The following CNTNAP4 variants were observed in gnomAD, a reference collection of about 807,000 sequenced individuals.
CNTNAP4 encodes contactin-associated protein-like 4.
In CNTNAP4, 98 loss-of-function variants were observed where a neutral mutation model predicts 148.4. The ratio of observed to expected loss-of-function variants is 0.66; its 90% confidence interval spans 0.56 to 0.78. The LOEUF (loss-of-function observed/expected upper bound fraction) is 0.78. Among genes scored for constraint, CNTNAP4 ranks in the 30% least tolerant of loss-of-function variants. CNTNAP4 has a pLI of 0.00. For missense variants in CNTNAP4, 1,935 were observed against 1,565.6 expected (o/e 1.24, Z -3.98); for synonymous variants, 730 against 565.1 (o/e 1.29, Z -4.14).
chr16:76,397,664 C>A (rs1310377689), intron 3 of CNTNAP4, among the ~76,000 whole-genome samples: 1 of 151,550 alleles, frequency 6.6e-6, no homozygotes, highest in African/African-American at 2.4e-5. Context: ...ATAAAGAGAA[C>A]CTCTGTATGC....
intron 23 of CNTNAP4, among the ~76,000 whole-genome samples, chr16:76,556,270 T>C (rs989907693): frequency 6.6e-6 from 1 of 152,196 alleles, no homozygotes; most frequent in South Asian, 2.1e-4. Context: ...GCTATATATA[T>C]ACATCTTCAT....
chr16:76,527,867 T>C (rs1470593458), intron 17 of CNTNAP4, among the ~76,000 whole-genome samples: 7 of 152,130 alleles, frequency 4.6e-5, no homozygotes, highest in Admixed American at 1.3e-4. Context: ...ATAAAATTTA[T>C]CTTAAAAATG....
At chr16:76,516,727 A>C (rs7204175) in intron 15 of CNTNAP4, among the ~76,000 whole-genome samples, 12,041 of 152,306 alleles carry the variant, frequency 0.079, 668 homozygotes, top group African/African-American at 0.16. Context: ...CAGTAGAAAG[A>C]GATGAACTAT....
rs756193178 is a variant in CNTNAP4, at chr16:76,553,919, C to T, written c.3733+12C>T. The T allele has an allele frequency of 2.0e-6, 3 of 1,500,002 alleles. No individual in the cohort carries two copies. In the Admixed American group the frequency reaches 5.1e-5, roughly 25 times the overall value. The allele number at this position is 1,500,002 out of a possible 1,614,324, so 92.9% of individuals were successfully genotyped here. On this transcript the variant is annotated intron_variant, in intron 23 of 23. Coordinates refer to ENST00000611870, the MANE Select transcript of CNTNAP4 (RefSeq NM_033401.5). ...TGCAGTAATTGGAGGTAATAAGAAG[C>T]ATGAATGAGCTCTTCTTTGGTTGTT...
At chr16:76,461,205 A>C (rs2080947550) in intron 8 of CNTNAP4, among the ~76,000 whole-genome samples, 2 of 152,188 alleles carry the variant, frequency 1.3e-5, no homozygotes, top group Admixed American at 1.3e-4. Context: ...AAACAAACTT[A>C]CAAAAATTTA....
At chr16:76,402,984 C>A (rs945397508) in intron 3 of CNTNAP4, among the ~76,000 whole-genome samples, 1 of 151,852 alleles carries the variant, frequency 6.6e-6, no homozygotes, top group African/African-American at 2.4e-5. Flanking sequence ...AGAGTATGTA[C>A]CATGTAGCAA....
At chr16:76,358,444 G>A (rs1367127179) in intron 3 of CNTNAP4, among the ~76,000 whole-genome samples, 1 of 152,186 alleles carries the variant, frequency 6.6e-6, no homozygotes. Context: ...AGATTCCTAA[G>A]CATTTGGAAA....
intron 15 of CNTNAP4, among the ~76,000 whole-genome samples, chr16:76,516,757 A>G (rs2083268019): frequency 6.6e-6 from 1 of 152,206 alleles, no homozygotes; most frequent in South Asian, 2.1e-4. Context: ...AAACAATATG[A>G]GTAAATCTTC....
chr16:76,372,369 C>T (rs1386692438), intron 3 of CNTNAP4, among the ~76,000 whole-genome samples: 1 of 150,774 alleles, frequency 6.6e-6, no homozygotes, highest in African/African-American at 2.4e-5. Context: ...AGGATGGTCT[C>T]GATTTCCTGA....
At chr16:76,515,633 G>A (rs946958472) in intron 15 of CNTNAP4, among the ~76,000 whole-genome samples, 1 of 152,062 alleles carries the variant, frequency 6.6e-6, no homozygotes, top group Non-Finnish European at 1.5e-5. Flanking sequence ...TGGCAGCCTG[G>A]GCAGACTAAC....
intron 1 of CNTNAP4, among the ~76,000 whole-genome samples, chr16:76,308,703 T>C (rs1960764749): frequency 6.6e-6 from 1 of 152,248 alleles, no homozygotes. Flanking sequence ...GACACAATCA[T>C]GGGAAATTTG....
intron 1 of CNTNAP4, among the ~76,000 whole-genome samples, chr16:76,289,018 A>G (rs748685447): frequency 2.6e-5 from 4 of 152,122 alleles, no homozygotes; most frequent in Admixed American, 6.6e-5. Context: ...CTCCTGGTCA[A>G]CCTATTCTTA....
chr16:76,397,277 A>G (rs2078235784), intron 3 of CNTNAP4, among the ~76,000 whole-genome samples: 1 of 152,060 alleles, frequency 6.6e-6, no homozygotes, highest in Admixed American at 6.6e-5. Flanking sequence ...CAAAAAATGA[A>G]CAATGAGAAC....
intron 2 of CNTNAP4, among the ~76,000 whole-genome samples, chr16:76,338,698 G>A (rs1964219209): frequency 6.6e-6 from 1 of 152,166 alleles, no homozygotes; most frequent in Non-Finnish European, 1.5e-5. Context: ...CATCTGAGAT[G>A]AAGAACAGAC....
intron 10 of CNTNAP4, among the ~76,000 whole-genome samples, chr16:76,468,127 A>G (rs562337740): frequency 2.2e-4 from 33 of 152,328 alleles, no homozygotes; most frequent in African/African-American, 7.7e-4. Flanking sequence ...AGTACAGGAC[A>G]TGACAAGGCA....
intron 2 of CNTNAP4, among the ~76,000 whole-genome samples, chr16:76,332,276 T>C (rs907388151): frequency 8.5e-5 from 13 of 152,308 alleles, no homozygotes; most frequent in Middle Eastern, 3.4e-3. Flanking sequence ...ATTATTATTT[T>C]GTGAGACAGG....
intron 3 of CNTNAP4, among the ~76,000 whole-genome samples, chr16:76,362,855 C>A (rs891186424): frequency 6.6e-6 from 1 of 152,112 alleles, no homozygotes; most frequent in Non-Finnish European, 1.5e-5. Flanking sequence ...CTGTGACATA[C>A]AATTTGCCTA....
At chr16:76,327,683 C>T (rs1161795875) in intron 2 of CNTNAP4, among the ~76,000 whole-genome samples, 1 of 152,172 alleles carries the variant, frequency 6.6e-6, no homozygotes, top group African/African-American at 2.4e-5. Flanking sequence ...TGGCCTTCCC[C>T]TGGGAGTCCA....
intron 3 of CNTNAP4, among the ~76,000 whole-genome samples, chr16:76,387,525 T>C (rs1473119476): frequency 6.6e-6 from 1 of 152,236 alleles, no homozygotes; most frequent in African/African-American, 2.4e-5. Context: ...TTTTAAATCA[T>C]GTACTAAGTA....
Sources: allele counts gnomAD v4.1 joint callset (sites outside exome capture counted in the v4.1 genomes callset), GRCh38; gene constraint gnomAD v4.1.1; transcripts MANE v1.5; gene names NCBI Gene and HGNC (gene_info 2026-07-23, HGNC 2026-07-21).